The following HACD4 variants were observed in gnomAD, a reference collection of about 807,000 sequenced individuals.
HACD4 encodes the protein very-long-chain (3R)-3-hydroxyacyl-CoA dehydratase 4.
Under a neutral mutation model 33.3 loss-of-function variants are expected in HACD4, and 35 were observed. That is an observed-to-expected ratio of 1.05 (90% CI 0.80 to 1.39). The LOEUF (loss-of-function observed/expected upper bound fraction) is 1.39, where lower values mean the gene tolerates loss of function less well. Ranked by LOEUF, HACD4 falls within the 40% of genes most tolerant of loss-of-function variation. HACD4 has a pLI of 0.00. For synonymous variants in HACD4, 118 were observed against 98.0 expected (o/e 1.20, Z -1.21); for missense variants, 323 against 276.5 (o/e 1.17, Z -1.19).
At chr9:21,012,905 A>G (rs534950189) in intron 4 of HACD4, among the ~76,000 whole-genome samples, 2 of 152,188 alleles carry the variant, frequency 1.3e-5, no homozygotes, top group Non-Finnish European at 2.9e-5. Context: ...CATCTACACT[A>G]AAAATACAAA....
chr9:21,014,453 G>A (rs953996237), intron 4 of HACD4, among the ~76,000 whole-genome samples: 5 of 152,136 alleles, frequency 3.3e-5, no homozygotes, highest in African/African-American at 7.2e-5. Flanking sequence ...AGTAAAAGAC[G>A]CCTGTCACAA....
chr9:21,009,793 A>G (rs1587825503), intron 5 of HACD4, among the ~76,000 whole-genome samples: 1 of 152,160 alleles, frequency 6.6e-6, no homozygotes, highest in South Asian at 2.1e-4. Flanking sequence ...CCCTTTGACC[A>G]ACAGCTCCCA....
rs772799088 is a variant in HACD4, at chr9:21,000,442, T to A, written c.*6595A>T. The A allele has an allele frequency of 3.3e-5, 5 of 152,172 alleles. No homozygotes were observed. Among genetic ancestry groups the A allele is most frequent in the Non-Finnish European group, 7.4e-5 (5 of 67,998 alleles). The allele number at this position is 152,172 out of a possible 1,614,324, so 9.4% of individuals were successfully genotyped here. A position where few individuals can be genotyped will look rare whatever the true frequency, so the allele number is the denominator to read the frequency against. Reference sequence around the variant, plus strand: ...AGTGGTTCTCAAACTTTTCTGTGCATGAGGCTCATTTGAGGAGTCTATCAA... The same window carrying A: ...AGTGGTTCTCAAACTTTTCTGTGCAAGAGGCTCATTTGAGGAGTCTATCAA... On this transcript the variant is annotated 3_prime_UTR_variant, in exon 7 of 7. Coordinates refer to ENST00000495827, the MANE Select transcript of HACD4 (RefSeq NM_001010915.5).
intron 4 of HACD4, among the ~76,000 whole-genome samples, chr9:21,012,521 C>A (rs1842459725): frequency 1.3e-5 from 2 of 152,188 alleles, no homozygotes. Flanking sequence ...CTCTCTCAAT[C>A]CAGGACCTGA....
At chr9:21,016,671 T>C (rs904593949) in intron 3 of HACD4, among the ~76,000 whole-genome samples, 1 of 151,732 alleles carries the variant, frequency 6.6e-6, no homozygotes, top group South Asian at 2.1e-4. Flanking sequence ...GGAGGGTGCA[T>C]AGAAGGGAAT....
chr9:21,015,748 TA>T, intron 4 of HACD4, 149 bp downstream of exon 4: 1 of 534,170 alleles, frequency 1.9e-6, no homozygotes, highest in Non-Finnish European at 3.3e-6. Context: ...TGGAGAACAC[TA>T]AAAATACATT....
intron 4 of HACD4, chr9:21,015,255 C>T (rs928810537): frequency 2.6e-5 from 4 of 152,098 alleles, no homozygotes; most frequent in African/African-American, 9.7e-5. Flanking sequence ...ATCCAGATCT[C>T]TCAAGTAGGA....
intron 3 of HACD4, among the ~76,000 whole-genome samples, chr9:21,024,523 T>C (rs1818014841): frequency 6.6e-6 from 1 of 152,254 alleles, no homozygotes; most frequent in African/African-American, 2.4e-5. Flanking sequence ...AAGTTTTAAT[T>C]AGCAGTGATT....
rs1373133154 is a variant in HACD4, at chr9:21,008,145, T to G, written c.492A>C (p.Ala164=). 6.2e-7 allele frequency: 1 copy of G among 1,604,658 alleles called. No individual in the cohort carries two copies. Among genetic ancestry groups the G allele is most frequent in the East Asian group, 2.2e-5 (1 of 44,482 alleles). The change falls in exon 6 of 7, where the codon GCA becomes GCC. Residue 164 remains alanine (A), a splice_region_variant and synonymous_variant. Coordinates refer to ENST00000495827, the MANE Select transcript of HACD4 (RefSeq NM_001010915.5). Reference sequence around the variant, plus strand: ...AAGGCAGCGATTGATAGATGGCAAATGCTGTTAAAAAAGAAAGGCATCATA... The same window carrying G: ...AAGGCAGCGATTGATAGATGGCAAAGGCTGTTAAAAAAGAAAGGCATCATA... ...PIYPLCVLAE[A]FAIYQSLPYF... is the part of the protein sequence containing the mutation.
intron 3 of HACD4, among the ~76,000 whole-genome samples, chr9:21,025,687 T>C (rs1818043497): frequency 6.6e-6 from 1 of 152,228 alleles, no homozygotes; most frequent in South Asian, 2.1e-4. Context: ...CAGCAATGAT[T>C]TTCTACATGA....
rs956720699 is a variant in HACD4, at chr9:21,003,145, A to G, written c.*3892T>C. The G allele has an allele frequency of 6.6e-6, 1 of 152,214 alleles. No individual in the cohort carries two copies. Among genetic ancestry groups the G allele is most frequent in the African/African-American group, 2.4e-5 (1 of 41,476 alleles). The allele number at this position is 152,214 out of a possible 1,614,324, so 9.4% of individuals were successfully genotyped here. A position where few individuals can be genotyped will look rare whatever the true frequency, so the allele number is the denominator to read the frequency against. On this transcript the variant is annotated 3_prime_UTR_variant, in exon 7 of 7. Transcript: ENST00000495827. ...TTTTTATGTTACAATTGTTGCAGAT[A>G]TCTCAAATTACTGTCAATCCTCATT...
chr9:21,007,279 T>C (rs932059929), intron 6 of HACD4, among the ~76,000 whole-genome samples, 160 bp from the exon 7 acceptor site: 2 of 152,216 alleles, frequency 1.3e-5, no homozygotes, highest in East Asian at 1.9e-4. Context: ...CCAGATTTTA[T>C]GCAGAAAGAG....
chr9:21,007,237 G>A (rs181092463), intron 6 of HACD4, 118 bp from the exon 7 acceptor site: 40 of 653,566 alleles, frequency 6.1e-5, no homozygotes, highest in Admixed American at 5.3e-4. Context: ...CACTTGCAAG[G>A]GAGATGTGAG....
intron 2 of HACD4, among the ~76,000 whole-genome samples, chr9:21,028,135 CAAAAAAAAAAAAAAAAGA>C (rs1340396331): frequency 1.1e-5 from 1 of 93,466 alleles, no homozygotes; most frequent in Non-Finnish European, 2.0e-5. Context: ...AACTCCATCT[CAAAAAAAAAAAAAAAAGA>C]AAAAAGAAAA....
Position 21,031,538 on chromosome 9 carries a change from G to C in HACD4, c.38+15C>G. On this transcript the variant is annotated intron_variant, in intron 1 of 6. Transcript: ENST00000495827. ...CCCGCGCCCCCTCCCCTCGGGATTC[G>C]GCCGAGCGCCCTACCTGGGCTGCAG... The C allele has an allele frequency of 6.8e-7, 1 of 1,463,554 alleles. No homozygotes were observed. Among genetic ancestry groups the C allele is most frequent in the South Asian group, 1.3e-5 (1 of 76,406 alleles). The allele number at this position is 1,463,554 out of a possible 1,614,324, so 90.7% of individuals were successfully genotyped here. A position where few individuals can be genotyped will look rare whatever the true frequency, so the allele number is the denominator to read the frequency against.
rs2132760464 is a variant in HACD4 at position 21,003,478 on chromosome 9, G to T, written c.*3559C>A. 6.6e-6 allele frequency: 1 copy of T among 152,090 alleles called. No homozygotes were observed. The highest frequency in any genetic ancestry group is 6.5e-5 in the Admixed American group (1 of 15,272). The allele number at this position is 152,090 out of a possible 1,614,324, so 9.4% of individuals were successfully genotyped here. On this transcript the variant is annotated 3_prime_UTR_variant, in exon 7 of 7. Transcript: ENST00000495827. The stretch of plus-strand genomic sequence containing the variant: ...CTTTTCATAATTTTTCTGAAATTTA[G>T]AAGATAACTATAAAAGCAGAAAAAA...
intron 3 of HACD4, among the ~76,000 whole-genome samples, chr9:21,023,432 G>A (rs898162986): frequency 6.6e-6 from 1 of 152,082 alleles, no homozygotes. Flanking sequence ...CCTATCCCCT[G>A]TGGACACACC....
chr9:21,020,584 T>A (rs754312264), intron 3 of HACD4, among the ~76,000 whole-genome samples: 3 of 152,212 alleles, frequency 2.0e-5, no homozygotes, highest in Non-Finnish European at 4.4e-5. Context: ...ATTCAACATT[T>A]TTTTCTAAGC....
At chr9:21,024,388 C>T (rs921547435) in intron 3 of HACD4, among the ~76,000 whole-genome samples, 52 of 152,300 alleles carry the variant, frequency 3.4e-4, no homozygotes, top group African/African-American at 1.3e-3. Flanking sequence ...ATTTGCACTC[C>T]GATAACATCA....
Sources: gnomAD v4.1 joint callset for allele counts (sites outside exome capture counted in the v4.1 genomes callset) on GRCh38, gnomAD v4.1.1 for gene constraint, MANE v1.5 for transcripts, NCBI Gene and HGNC (gene_info 2026-07-23, HGNC 2026-07-21) for gene names.